TBATA: variants seen among roughly 807,000 people sequenced by gnomAD.
TBATA encodes protein TBATA.
Under a neutral mutation model 38.7 loss-of-function variants are expected in TBATA, and 47 were observed. That is an observed-to-expected ratio of 1.21 (90% CI 0.96 to 1.55). The LOEUF (loss-of-function observed/expected upper bound fraction) is 1.55, where lower values mean the gene tolerates loss of function less well. TBATA is among the 40% of genes most tolerant of loss of function. TBATA has a pLI of 0.00. For missense variants in TBATA, 436 were observed against 435.6 expected, an observed-to-expected ratio of 1.00 and a Z score of -0.01; for synonymous variants, 183 against 170.5, an observed-to-expected ratio of 1.07 and a Z score of -0.57.
intron 8 of TBATA, 40 bp downstream of exon 8, chr10:70,775,149 C>A: frequency 1.3e-6 from 2 of 1,574,686 alleles, no homozygotes; most frequent in Non-Finnish European, 1.7e-6. Flanking sequence ...AGGACCTTGG[C>A]AGCCTCCACT....
intron 6 of TBATA, 152 bp downstream of exon 6, chr10:70,778,405 T>C (rs1843695180): frequency 1.3e-6 from 1 of 797,280 alleles, no homozygotes; most frequent in African/African-American, 1.7e-5. Flanking sequence ...AGGTGTGCTC[T>C]CTCCCTCACT....
At chr10:70,774,709 C>G (rs1450786365) in intron 8 of TBATA, among the ~76,000 whole-genome samples, 1 of 152,182 alleles carries the variant, frequency 6.6e-6, no homozygotes, top group Non-Finnish European at 1.5e-5. Context: ...CTCCAATTAG[C>G]TTCCTGGTTC....
intron 4 of TBATA, among the ~76,000 whole-genome samples, chr10:70,781,079 C>G (rs1844150276): frequency 6.6e-6 from 1 of 152,310 alleles, no homozygotes; most frequent in East Asian, 1.9e-4. Flanking sequence ...CTGATGCCTT[C>G]TCCGTTCTCC....
At position 70,777,153 on chromosome 10, in the gene TBATA, C is replaced by A. The variant is rs143985684; in HGVS notation, c.693G>T (p.Leu231=). Residue 231 remains leucine (L), a splice_region_variant and synonymous_variant, in exon 7 of 11, where the codon CTG becomes CTT. Transcript: ENST00000456372. Reference sequence around the variant, plus strand: ...CCTGGGAGCAGAACTGGGCCCTCACCAGCAGCTCCTGATCCTGAAGGAGGA... The same window carrying A: ...CCTGGGAGCAGAACTGGGCCCTCACAAGCAGCTCCTGATCCTGAAGGAGGA... ...QAFLLQDQEL[L]VLELLCRILE... 6.2e-7 allele frequency: 1 copy of A among 1,612,030 alleles called. No homozygotes were observed. Among genetic ancestry groups the A allele is most frequent in the East Asian group, 2.2e-5 (1 of 44,856 alleles).
chr10:70,783,866 T>C (rs1008226260), intron 2 of TBATA, among the ~76,000 whole-genome samples: 2 of 152,254 alleles, frequency 1.3e-5, no homozygotes, highest in African/African-American at 4.8e-5. Context: ...GTTATATTTA[T>C]GCAATCTTAT....
In TBATA at chr10:70,777,318, C is replaced by G; in HGVS notation, c.528G>C (p.Glu176Asp). 1 of 1,613,432 alleles carries G rather than the reference C, an allele frequency of 6.2e-7. No homozygotes were observed. Among genetic ancestry groups the G allele is most frequent in the South Asian group, 1.1e-5 (1 of 91,064 alleles). The change falls in exon 7 of 11, where the codon GAG becomes GAC. Residue 176 changes from glutamate to aspartate, a missense_variant. Coordinates refer to ENST00000456372, the MANE Select transcript of TBATA (RefSeq NM_001318241.2). ...ACTTTGCCCCCTGCTCCCGCAGAGG[C>G]TCCTCCTTCTGCTCCTTCTGCTGGG... is the stretch of plus-strand genomic sequence containing the variant. ...KKKEQKEQKEEPLREQGAKYS... is the reference protein window; with the variant it reads ...KKKEQKEQKEDPLREQGAKYS...
At chr10:70,782,491 A>T in intron 3 of TBATA, 1 of 1,287,536 alleles carries the variant, frequency 7.8e-7, no homozygotes, top group South Asian at 1.2e-5. Flanking sequence ...ATCCTCCCCC[A>T]TGCACTCAGG....
Position 70,775,199 on chromosome 10 carries a change from A to G in TBATA, c.765T>C (p.Ala255=), listed in dbSNP as rs761698626. 5.6e-6 allele frequency: 9 copies of G among 1,613,792 alleles called. No individual in the cohort carries two copies. The highest frequency in any genetic ancestry group is 4.0e-5 in the African/African-American group (3 of 74,934). The part of the protein sequence containing the change: ...LSAIQFWLLY[A]PPKEKDLALG... ...GGGCTGTGTCCTCACCCTTGGGCGG[A>G]GCGTAGAGCAGCCAGAACTGGATTG... The change falls in exon 8 of 11, where the codon GCT becomes GCC. Residue 255 remains alanine (A), a synonymous_variant. Transcript: ENST00000456372.
chr10:70,771,497 G>A lies in TBATA; in HGVS notation c.974-36C>T, dbSNP rs376626370. The A allele has an allele frequency of 1.7e-4, 277 of 1,601,400 alleles. No individual in the cohort carries two copies. In the African/African-American group the frequency reaches 3.2e-3, roughly 18 times the overall value. On this transcript the variant is annotated intron_variant, in intron 10 of 10. Coordinates refer to ENST00000456372, the MANE Select transcript of TBATA (RefSeq NM_001318241.2). The stretch of plus-strand genomic sequence containing the variant: ...GAGAGACAGCAGGCAGGAGAGGACC[G>A]GGAAGGTGGGGCCCCCACCTGGGAG...
chr10:70,772,557 C>T lies in TBATA; in HGVS notation c.930G>A (p.Pro310=), dbSNP rs202218556. 1.8e-5 allele frequency: 29 copies of T among 1,614,112 alleles called. No homozygotes were observed. The highest frequency in any genetic ancestry group is 8.3e-5 in the Admixed American group (5 of 60,018). ...TAAAAGGTGATATCTTCGTTTTCTTCGGGGATTGACTGTGACCAAATACAA... is the reference window on the plus strand; with the variant it reads ...TAAAAGGTGATATCTTCGTTTTCTTTGGGGATTGACTGTGACCAAATACAA... ...EKQEPPCSQS[P]KKTKISPFTK... The change falls in exon 10 of 11, where the codon CCG becomes CCA. Residue 310 remains proline (P), a synonymous_variant. Coordinates refer to ENST00000456372, the MANE Select transcript of TBATA (RefSeq NM_001318241.2).
At chr10:70,782,417 G>A (rs1294931983) in intron 3 of TBATA, 1 of 1,300,238 alleles carries the variant, frequency 7.7e-7, no homozygotes, top group Non-Finnish European at 1.0e-6. Flanking sequence ...GATGGGGATG[G>A]TCTCAACAGG....
intron 7 of TBATA, among the ~76,000 whole-genome samples, chr10:70,776,843 T>G (rs1470386162): frequency 6.6e-6 from 1 of 152,168 alleles, no homozygotes; most frequent in Non-Finnish European, 1.5e-5. Flanking sequence ...ACCTCCTTCT[T>G]CAACCCACCA....
chr10:70,779,525 C>A (rs1843866849), intron 5 of TBATA, 68 bp downstream of exon 5: 1 of 1,421,000 alleles, frequency 7.0e-7, no homozygotes, highest in Non-Finnish European at 9.2e-7. Context: ...GGGCACCCAC[C>A]CAAGTGAGGC....
Position 70,774,205 on chromosome 10 carries a change from G to T in TBATA, c.920+8C>A. ...CTGCAGAAGGGCAGGGCGGGGTGCGGGGCCCACCTGCAGGGTGGCTCTTGC... is the reference window on the plus strand; with the variant it reads ...CTGCAGAAGGGCAGGGCGGGGTGCGTGGCCCACCTGCAGGGTGGCTCTTGC... On this transcript the variant is annotated splice_region_variant and intron_variant, in intron 9 of 10. Transcript: ENST00000456372. 2 of 1,611,584 alleles carry T rather than the reference G, an allele frequency of 1.2e-6. No homozygotes were observed. The highest frequency in any genetic ancestry group is 1.7e-6 in the Non-Finnish European group (2 of 1,179,446).
intron 9 of TBATA, 141 bp downstream of exon 9, chr10:70,774,072 G>A: frequency 8.7e-7 from 1 of 1,149,838 alleles, no homozygotes; most frequent in Non-Finnish European, 1.2e-6. Flanking sequence ...GGTCCCTGGG[G>A]GAGGGGCTGG....
intron 7 of TBATA, 73 bp downstream of exon 7, chr10:70,777,080 C>T (rs1362241698): frequency 1.1e-5 from 16 of 1,493,266 alleles, no homozygotes; most frequent in Non-Finnish European, 1.3e-5. Flanking sequence ...CTGGGAGGGG[C>T]CTTGCCCTAA....
At chr10:70,782,139 C>T (rs1844298499) in intron 3 of TBATA, 103 bp from the exon 4 acceptor site, 6 of 1,328,398 alleles carry the variant, frequency 4.5e-6, no homozygotes, top group Non-Finnish European at 6.2e-6. Context: ...TCCTGAGGAG[C>T]TCTGAAATCT....
chr10:70,783,092 C>T (rs1487546628), intron 3 of TBATA, among the ~76,000 whole-genome samples: 2 of 152,250 alleles, frequency 1.3e-5, no homozygotes, highest in Admixed American at 6.5e-5. Flanking sequence ...CCCTGGAACT[C>T]CTTTGCTCAG....
chr10:70,778,549 G>C lies in TBATA; in HGVS notation c.507+8C>G, dbSNP rs766080288. 4 of 1,613,206 alleles carry C rather than the reference G, an allele frequency of 2.5e-6. No individual in the cohort carries two copies. Among genetic ancestry groups the C allele is most frequent in the African/African-American group, 1.3e-5 (1 of 74,880 alleles). On this transcript the variant is annotated splice_region_variant and intron_variant, in intron 6 of 10. Coordinates refer to ENST00000456372, the MANE Select transcript of TBATA (RefSeq NM_001318241.2). ...CTTCCCAGACTAGCTCCTGTGTTCC[G>C]CACCCACCTCTTTCTTCTTCAGTTC...
Sources: allele counts gnomAD v4.1 joint callset (sites outside exome capture counted in the v4.1 genomes callset), GRCh38; gene constraint gnomAD v4.1.1; transcripts MANE v1.5; gene names NCBI Gene and HGNC (gene_info 2026-07-23, HGNC 2026-07-21).